The following CNTN4 variants were observed in gnomAD, a reference collection of about 807,000 sequenced individuals.
CNTN4 encodes the protein contactin-4.
In CNTN4, 77 loss-of-function variants were observed where a neutral mutation model predicts 122.5. The observed-to-expected ratio is 0.63, with a 90% CI of 0.52 to 0.76. The LOEUF is 0.76. Ranked by LOEUF, CNTN4 falls within the 30% of genes least tolerant of loss-of-function variation. The probability of loss-of-function intolerance (pLI) is 0.00; values close to 1 mark genes in which losing one functional copy is unlikely to be tolerated. For synonymous variants in CNTN4, 512 were observed against 447.0 expected, an observed-to-expected ratio of 1.15 and a Z score of -1.83; for missense variants, 1,256 against 1,259.1, an observed-to-expected ratio of 1.00 and a Z score of 0.04.
At chr3:2,102,049 G>T (rs1217839601) in intron 2 of CNTN4, among the ~76,000 whole-genome samples, 1 of 152,100 alleles carries the variant, frequency 6.6e-6, no homozygotes, top group African/African-American at 2.4e-5. Context: ...GATAGAATGA[G>T]GTGTAAAGGA....
At chr3:2,764,863 A>C (rs1278837325) in intron 6 of CNTN4, among the ~76,000 whole-genome samples, 1 of 152,176 alleles carries the variant, frequency 6.6e-6, no homozygotes, top group African/African-American at 2.4e-5. Flanking sequence ...TTCCCATTTT[A>C]CGAAGGAGAG....
At chr3:2,330,920 T>C (rs1020884613) in intron 2 of CNTN4, among the ~76,000 whole-genome samples, 1 of 152,210 alleles carries the variant, frequency 6.6e-6, no homozygotes, top group Non-Finnish European at 1.5e-5. Flanking sequence ...AAATTATAAA[T>C]GTCCAGTACA....
At position 2,893,068 on chromosome 3, in the gene CNTN4, C is replaced by T. The variant is rs2094062713; in HGVS notation, c.940+5844C>T. 7.9e-5 allele frequency among the ~76,000 whole-genome samples: 12 copies of T among 152,294 alleles called. No homozygotes were observed. In the South Asian group the frequency reaches 2.5e-3, roughly 32 times the overall value. ...CCATTACCAGTGTCACAAATGAAAA[C>T]ATCTGGATGAACAACTGACTTTTTC... is the stretch of plus-strand genomic sequence containing the variant. On this transcript the variant is annotated intron_variant, in intron 10 of 24. Coordinates refer to ENST00000418658, the MANE Select transcript of CNTN4 (RefSeq NM_175607.3).
chr3:2,896,467 A>G (rs1248242405), intron 10 of CNTN4, among the ~76,000 whole-genome samples: 1 of 152,170 alleles, frequency 6.6e-6, no homozygotes, highest in African/African-American at 2.4e-5. Context: ...GTGCTGAACA[A>G]ACACCAAAGA....
chr3:3,007,735 G>T (rs553714218), intron 14 of CNTN4, among the ~76,000 whole-genome samples: 4 of 152,292 alleles, frequency 2.6e-5, no homozygotes, highest in African/African-American at 7.2e-5. Context: ...CCATAGATTG[G>T]TATGGGAGCA....
At chr3:2,557,818 C>G (rs2078783995) in intron 3 of CNTN4, among the ~76,000 whole-genome samples, 1 of 151,176 alleles carries the variant, frequency 6.6e-6, no homozygotes, top group South Asian at 2.1e-4. Context: ...GTTCAGCAGT[C>G]TAATTTTAAT....
At chr3:2,801,121 A>C (rs1306548353) in intron 6 of CNTN4, among the ~76,000 whole-genome samples, 1 of 143,268 alleles carries the variant, frequency 7.0e-6, no homozygotes, top group African/African-American at 2.5e-5. Flanking sequence ...CAAGGGCAGG[A>C]GTATTTGTCT....
At chr3:2,922,769 G>A (rs772398836) in intron 12 of CNTN4, among the ~76,000 whole-genome samples, 2 of 151,862 alleles carry the variant, frequency 1.3e-5, no homozygotes, top group East Asian at 3.9e-4. Flanking sequence ...GCAACACCAC[G>A]CCCAGCTAAT....
chr3:2,290,488 A>T (rs79751155), intron 2 of CNTN4, among the ~76,000 whole-genome samples: 8,877 of 152,274 alleles, frequency 0.058, 322 homozygotes, highest in Non-Finnish European at 0.081. Flanking sequence ...ATCATTAACG[A>T]TGATGGTGAA....
At chr3:2,946,809 C>G (rs1041204253) in intron 13 of CNTN4, among the ~76,000 whole-genome samples, 3 of 146,152 alleles carry the variant, frequency 2.1e-5, no homozygotes, top group African/African-American at 7.5e-5. Flanking sequence ...TGGGTTCAAA[C>G]AATCCTCCCT....
intron 2 of CNTN4, among the ~76,000 whole-genome samples, chr3:2,196,505 A>T (rs1196164234): frequency 6.6e-6 from 1 of 152,092 alleles, no homozygotes; most frequent in African/African-American, 2.4e-5. Flanking sequence ...CCAATACAGA[A>T]AGTATTTATT....
At chr3:2,547,773 A>G (rs1279770142) in intron 3 of CNTN4, among the ~76,000 whole-genome samples, 1 of 152,138 alleles carries the variant, frequency 6.6e-6, no homozygotes, top group Non-Finnish European at 1.5e-5. Context: ...ACCATGAAAC[A>G]AAGTGAATTT....
intron 3 of CNTN4, among the ~76,000 whole-genome samples, chr3:2,413,782 C>T (rs1027514867): frequency 1.3e-5 from 2 of 152,140 alleles, no homozygotes; most frequent in African/African-American, 4.8e-5. Flanking sequence ...CTCAAGTGAT[C>T]CACCTGCCTC....
At chr3:2,405,489 C>A (rs1214074965) in intron 3 of CNTN4, among the ~76,000 whole-genome samples, 1 of 152,054 alleles carries the variant, frequency 6.6e-6, no homozygotes, top group Admixed American at 6.6e-5. Flanking sequence ...AAAGAACCCC[C>A]AATGACCAAA....
intron 9 of CNTN4, among the ~76,000 whole-genome samples, chr3:2,885,715 G>A (rs2093966697): frequency 6.6e-6 from 1 of 152,200 alleles, no homozygotes; most frequent in African/African-American, 2.4e-5. Context: ...CTTACAATTT[G>A]TGGGTTAAGA....
rs9836101 is a variant in CNTN4, at chr3:2,511,714, A to G, written c.-88-59702A>G. Reference sequence around the variant, plus strand: ...TTACAGTCTGTAAGTACCAGGTTTTACCCCCCTCTTTCTCCCTACAGCTCC... The same window carrying G: ...TTACAGTCTGTAAGTACCAGGTTTTGCCCCCCTCTTTCTCCCTACAGCTCC... On this transcript the variant is annotated intron_variant, in intron 3 of 24. Coordinates refer to ENST00000418658, the MANE Select transcript of CNTN4 (RefSeq NM_175607.3). The G allele has an allele frequency of 5.4e-4, 82 of 151,924 alleles. 2 individuals are homozygous for G. Among genetic ancestry groups the G allele is most frequent in the Non-Finnish European group, 2.9e-5 (2 of 67,984 alleles). 9.4% of individuals were successfully genotyped at this position (151,924 alleles called of 1,614,324 possible).
chr3:2,306,893 A>AT (rs200297502), intron 2 of CNTN4, among the ~76,000 whole-genome samples: 2 of 133,698 alleles, frequency 1.5e-5, no homozygotes, highest in Non-Finnish European at 3.1e-5. Flanking sequence ...TTTAAATGAA[A>AT]TTTTTTTATT....
At chr3:3,012,052 A>G (rs1414906729) in intron 14 of CNTN4, among the ~76,000 whole-genome samples, 2 of 152,176 alleles carry the variant, frequency 1.3e-5, no homozygotes, top group Non-Finnish European at 2.9e-5. Flanking sequence ...CAATCAGTCA[A>G]CTAGTAAGGG....
chr3:2,732,863 G>A (rs781262091), intron 4 of CNTN4, among the ~76,000 whole-genome samples: 34 of 152,058 alleles, frequency 2.2e-4, no homozygotes, highest in Non-Finnish European at 4.4e-4. Context: ...GTGCACAAAA[G>A]CCTGTGGATT....
Sources: allele counts gnomAD v4.1 joint callset (sites outside exome capture counted in the v4.1 genomes callset), GRCh38; gene constraint gnomAD v4.1.1; transcripts MANE v1.5; gene names NCBI Gene and HGNC (gene_info 2026-07-23, HGNC 2026-07-21).